TMEM59: variants seen among roughly 807,000 people sequenced by gnomAD.
TMEM59 encodes the protein transmembrane protein 59.
Under a neutral mutation model 42.2 loss-of-function variants are expected in TMEM59, and 44 were observed. The observed-to-expected ratio is 1.04, with a 90% CI of 0.82 to 1.34. TMEM59 has a LOEUF of 1.34. Among genes scored for constraint, TMEM59 ranks in the 40% most tolerant of loss-of-function variants. TMEM59 has a pLI of 0.00. For synonymous variants in TMEM59, 148 were observed against 145.8 expected (o/e 1.02, Z -0.11); for missense variants, 359 against 382.8 (o/e 0.94, Z 0.52).
At chr1:54,050,512 G>C (rs533349199) in intron 1 of TMEM59, among the ~76,000 whole-genome samples, 36 of 151,500 alleles carry the variant, frequency 2.4e-4, no homozygotes, top group Non-Finnish European at 4.3e-4. Flanking sequence ...TTTTCCTGGA[G>C]CACAAAGCAC....
At chr1:54,032,407 A>G in intron 7 of TMEM59, 102 bp from the exon 8 acceptor site, 1 of 1,141,528 alleles carries the variant, frequency 8.8e-7, no homozygotes, top group Non-Finnish European at 1.2e-6. Flanking sequence ...TGGTAAAAAA[A>G]ATTCTATAAA....
At position 54,029,432 on chromosome 1, in the gene TMEM59, G is replaced by C. The variant is rs1055633425; in HGVS notation, c.*2718C>G. On this transcript the variant is annotated 3_prime_UTR_variant, in exon 8 of 8. Transcript: ENST00000234831. ...GGGAGGTTTGAACCAGAGACCCAAC[G>C]GTCTTGAGAATTTGCCTAGGACCAA... 3.3e-5 allele frequency: 5 copies of C among 152,112 alleles called. No individual in the cohort carries two copies. The highest frequency in any genetic ancestry group is 7.4e-5 in the Non-Finnish European group (5 of 68,014). The allele number at this position is 152,112 out of a possible 1,614,324, so 9.4% of individuals were successfully genotyped here. A position where few individuals can be genotyped will look rare whatever the true frequency, so the allele number is the denominator to read the frequency against.
chr1:54,043,356 T>G lies in TMEM59; in HGVS notation c.543+17A>C. ...TGTTGTTAGTATTTAGATGAATCCA[T>G]GAAGCTCAGTTGTCACCTGGAATAT... is the stretch of plus-strand genomic sequence containing the variant. On this transcript the variant is annotated intron_variant, in intron 4 of 7. Transcript: ENST00000234831. The G allele has an allele frequency of 6.6e-7, 1 of 1,518,564 alleles. No homozygotes were observed. Among genetic ancestry groups the G allele is most frequent in the Non-Finnish European group, 8.8e-7 (1 of 1,134,864 alleles). 94.1% of individuals were successfully genotyped at this position (1,518,564 alleles called of 1,614,324 possible).
In TMEM59 at chr1:54,028,115, G is replaced by A. The variant is rs980491134; in HGVS notation, c.*4035C>T. 1.3e-5 allele frequency: 2 copies of A among 152,280 alleles called. No individual in the cohort carries two copies. The highest frequency in any genetic ancestry group is 1.9e-4 in the East Asian group (1 of 5,184). 9.4% of individuals were successfully genotyped at this position (152,280 alleles called of 1,614,324 possible). The stretch of plus-strand genomic sequence containing the variant: ...GCTTCCTAGAGACTGGTTGGCAAAC[G>A]TAGAATTAAGAGGATGGTGATAAGA... On this transcript the variant is annotated 3_prime_UTR_variant, in exon 8 of 8. Coordinates refer to ENST00000234831, the MANE Select transcript of TMEM59 (RefSeq NM_004872.5).
intron 1 of TMEM59, among the ~76,000 whole-genome samples, chr1:54,052,256 A>T (rs775602348): frequency 2.6e-4 from 40 of 152,264 alleles, no homozygotes; most frequent in South Asian, 6.2e-4. Flanking sequence ...ATTAAAAGAA[A>T]GGGGGGAAGC....
chr1:54,040,924 A>T, intron 5 of TMEM59, 87 bp from the exon 6 acceptor site: 1 of 1,030,882 alleles, frequency 9.7e-7, no homozygotes, highest in Non-Finnish European at 1.5e-6. Flanking sequence ...TACACTTTAC[A>T]GATATCCAAT....
intron 1 of TMEM59, among the ~76,000 whole-genome samples, chr1:54,050,097 T>C (rs562973738): frequency 6.6e-6 from 1 of 152,216 alleles, no homozygotes; most frequent in Admixed American, 6.5e-5. Context: ...AACAAATAAT[T>C]AGTTCTCAAA....
At position 54,053,060 on chromosome 1, in the gene TMEM59, A is replaced by T. The variant is rs1569980549; in HGVS notation, c.129T>A (p.Gly43=). The T allele has an allele frequency of 6.2e-7, 1 of 1,614,168 alleles. No homozygotes were observed. The highest frequency in any genetic ancestry group is 8.5e-7 in the Non-Finnish European group (1 of 1,180,040). The part of the protein sequence containing the change: ...ASAEAFDSVL[G]DTASCHRACQ... ...AGGCCCGGTGGCAAGACGCCGTATCACCCAAGACCGAGTCAAATGCTTCAG... is the reference window on the plus strand; with the variant it reads ...AGGCCCGGTGGCAAGACGCCGTATCTCCCAAGACCGAGTCAAATGCTTCAG... Residue 43 remains glycine, a synonymous_variant, in exon 1 of 8, where the codon GGT becomes GGA. Transcript: ENST00000234831.
chr1:54,043,583 A>G (rs1030848335), intron 3 of TMEM59, 58 bp from the exon 4 acceptor site: 1 of 1,169,934 alleles, frequency 8.5e-7, no homozygotes, highest in African/African-American at 1.6e-5. Flanking sequence ...TATTCAAAAG[A>G]ACAATATAAT....
At chr1:54,047,154 T>C in intron 2 of TMEM59, 113 bp downstream of exon 2, 1 of 785,208 alleles carries the variant, frequency 1.3e-6, no homozygotes, top group Non-Finnish European at 2.0e-6. Flanking sequence ...TACAATATGT[T>C]AGATGACTAG....
rs1656747956 is a variant in TMEM59 at position 54,030,956 on chromosome 1, A to C, written c.*1194T>G. 6.6e-6 allele frequency: 1 copy of C among 152,220 alleles called. No homozygotes were observed. Among genetic ancestry groups the C allele is most frequent in the Non-Finnish European group, 1.5e-5 (1 of 68,044 alleles). The allele number at this position is 152,220 out of a possible 1,614,324, so 9.4% of individuals were successfully genotyped here. On this transcript the variant is annotated 3_prime_UTR_variant, in exon 8 of 8. Coordinates refer to ENST00000234831, the MANE Select transcript of TMEM59 (RefSeq NM_004872.5). Reference sequence around the variant, plus strand: ...TGGCATAATAACAGTGAATCATATTAGAATTCTGGTGTAGGCTGGGCACAG... The same window carrying C: ...TGGCATAATAACAGTGAATCATATTCGAATTCTGGTGTAGGCTGGGCACAG...
rs571519386 is a variant in TMEM59 at position 54,029,865 on chromosome 1, A to G, written c.*2285T>C. The G allele has an allele frequency of 1.3e-5, 2 of 152,278 alleles. No individual in the cohort carries two copies. The highest frequency in any genetic ancestry group is 1.3e-4 in the Admixed American group (2 of 15,288). 9.4% of individuals were successfully genotyped at this position (152,278 alleles called of 1,614,324 possible). A position where few individuals can be genotyped will look rare whatever the true frequency, so the allele number is the denominator to read the frequency against. On this transcript the variant is annotated 3_prime_UTR_variant, in exon 8 of 8. Coordinates refer to ENST00000234831, the MANE Select transcript of TMEM59 (RefSeq NM_004872.5). Reference sequence around the variant, plus strand: ...AGTAGTTAAGGGAAGAGAGATTAAAATGGTTACTCATGCTGATGATACTCA... The same window carrying G: ...AGTAGTTAAGGGAAGAGAGATTAAAGTGGTTACTCATGCTGATGATACTCA...
rs1656662272 is a variant in TMEM59, at chr1:54,028,258, G to T, written c.*3892C>A. ...ATCCAGACAACAATGTGGGGGAGCA[G>T]AGAGAGCGTTATAGAGAAAAGTTTA... On this transcript the variant is annotated 3_prime_UTR_variant, in exon 8 of 8. Coordinates refer to ENST00000234831, the MANE Select transcript of TMEM59 (RefSeq NM_004872.5). 6.6e-6 allele frequency: 1 copy of T among 152,190 alleles called. No individual in the cohort carries two copies. The highest frequency in any genetic ancestry group is 1.5e-5 in the Non-Finnish European group (1 of 68,034). 9.4% of individuals were successfully genotyped at this position (152,190 alleles called of 1,614,324 possible).
In TMEM59 at chr1:54,040,763, G is replaced by A. The variant is rs1657110283; in HGVS notation, c.700C>T (p.Leu234Phe). 1 of 1,612,660 alleles carries A rather than the reference G, an allele frequency of 6.2e-7. No individual in the cohort carries two copies. Among genetic ancestry groups the A allele is most frequent in the Non-Finnish European group, 8.5e-7 (1 of 1,178,814 alleles). Residue 234 changes from leucine (L) to phenylalanine (F), a missense_variant, in exon 6 of 8, where the codon CTC (leucine) becomes TTC (phenylalanine). Transcript: ENST00000234831. ...ATAAAGAGGAATACATACAGAGAGA[G>A]GCATCTTAAAAAGCCATCACTTTCT... Reference protein sequence around the residue: ...DGESDGFLRCLSLNSGWILTT... With the variant: ...DGESDGFLRCFSLNSGWILTT...
At position 54,030,215 on chromosome 1, in the gene TMEM59, T is replaced by G. The variant is rs1273143846; in HGVS notation, c.*1935A>C. The G allele has an allele frequency of 6.6e-6, 1 of 152,052 alleles. No individual in the cohort carries two copies. Among genetic ancestry groups the G allele is most frequent in the Non-Finnish European group, 1.5e-5 (1 of 68,004 alleles). 9.4% of individuals were successfully genotyped at this position (152,052 alleles called of 1,614,324 possible). The stretch of plus-strand genomic sequence containing the variant: ...GTTGAACTCCTGGCCCCAAGTGATC[T>G]AGATAATTCTTTGTTTTGTTTTTAT... On this transcript the variant is annotated 3_prime_UTR_variant, in exon 8 of 8. Coordinates refer to ENST00000234831, the MANE Select transcript of TMEM59 (RefSeq NM_004872.5).
rs536371059 is a variant in TMEM59 at position 54,050,662 on chromosome 1, G to T, written c.189+2338C>A. ...CAACCTCTGTCTCCCGGGTTCAGGC[G>T]CTTCTCCTGCCTCAGCCTCCTGAGT... On this transcript the variant is annotated intron_variant, in intron 1 of 7. Coordinates refer to ENST00000234831, the MANE Select transcript of TMEM59 (RefSeq NM_004872.5). Among the ~76,000 whole-genome samples the T allele has an allele frequency of 3.9e-4, 59 of 151,254 alleles. 1 individual carries two copies. The highest frequency in any genetic ancestry group is 1.4e-3 in the African/African-American group (57 of 41,130).
chr1:54,053,334 A>G (rs925813792), upstream of TMEM59: 1 of 947,412 alleles, frequency 1.1e-6, no homozygotes, highest in African/African-American at 1.7e-5. Flanking sequence ...CACCCGCCAG[A>G]AACTGCCGCC....
At chr1:54,050,706 C>T (rs1657505393) in intron 1 of TMEM59, among the ~76,000 whole-genome samples, 1 of 151,416 alleles carries the variant, frequency 6.6e-6, no homozygotes, top group Non-Finnish European at 1.5e-5. Context: ...TTACAGGCGC[C>T]CGCCACCACG....
chr1:54,045,648 T>C lies in TMEM59; in HGVS notation c.390+44A>G. The C allele has an allele frequency of 3.8e-6, 6 of 1,565,292 alleles. No homozygotes were observed. In the East Asian group the frequency reaches 1.3e-4, roughly 35 times the overall value. ...AAACACTTCAAGCAATACAAGTCAG[T>C]GCCATCTAAGCAGGCTAGTTTGAAA... On this transcript the variant is annotated intron_variant, in intron 3 of 7. Transcript: ENST00000234831.
Sources: gnomAD v4.1 joint callset for allele counts (sites outside exome capture counted in the v4.1 genomes callset) on GRCh38, gnomAD v4.1.1 for gene constraint, MANE v1.5 for transcripts, NCBI Gene and HGNC (gene_info 2026-07-23, HGNC 2026-07-21) for gene names.